Variants in BMPR1B observed in about 807,000 individuals in gnomAD.
BMPR1B encodes the protein bone morphogenetic protein receptor type-1B.
A neutral mutation model predicts 59.1 loss-of-function variants in BMPR1B; 12 were observed. The ratio of observed to expected loss-of-function variants is 0.20; its 90% CI spans 0.13 to 0.33. BMPR1B has a LOEUF of 0.33. Among genes scored for constraint, BMPR1B ranks in the 10% least tolerant of loss-of-function variants. The pLI, the probability that BMPR1B is intolerant of heterozygous loss-of-function variation, is 1.00. For synonymous variants in BMPR1B, 237 were observed against 207.3 expected (o/e 1.14, Z -1.23); for missense variants, 550 against 610.9 (o/e 0.90, Z 1.05).
chr4:95,149,286 G>A (rs1734863370), intron 11 of BMPR1B, among the ~76,000 whole-genome samples: 2 of 152,000 alleles, frequency 1.3e-5, no homozygotes, highest in South Asian at 4.2e-4. Flanking sequence ...TAGCTGCTGG[G>A]CCCCATCCCC....
intron 3 of BMPR1B, among the ~76,000 whole-genome samples, chr4:95,006,151 A>G (rs763658312): frequency 4.6e-5 from 7 of 151,998 alleles, no homozygotes; most frequent in Non-Finnish European, 1.0e-4. Flanking sequence ...GGCGCCTGTA[A>G]TCCCAGCTAC....
At chr4:94,864,827 A>G (rs72669094) in intron 1 of BMPR1B, among the ~76,000 whole-genome samples, 22 of 152,102 alleles carry the variant, frequency 1.4e-4, no homozygotes, top group Non-Finnish European at 3.1e-4. Context: ...TTTAAAAAAA[A>G]TTTTCAATCT....
intron 2 of BMPR1B, among the ~76,000 whole-genome samples, chr4:94,926,026 T>C: frequency 7.9e-6 from 1 of 126,042 alleles, no homozygotes; most frequent in Non-Finnish European, 1.7e-5. Flanking sequence ...TTCCCTTTTG[T>C]CCTTTCCTTC....
intron 1 of BMPR1B, among the ~76,000 whole-genome samples, chr4:94,795,513 G>A (rs1008493016): frequency 4.6e-5 from 7 of 151,906 alleles, no homozygotes; most frequent in African/African-American, 1.7e-4. Context: ...TGCTCAGGTT[G>A]GAGTGCAGTG....
chr4:95,065,904 T>A, intron 3 of BMPR1B, among the ~76,000 whole-genome samples: 1 of 152,202 alleles, frequency 6.6e-6, no homozygotes. Flanking sequence ...ATTATTTAAC[T>A]GATGAGAAAA....
At chr4:94,865,836 A>T (rs975338877) in intron 1 of BMPR1B, among the ~76,000 whole-genome samples, 1 of 152,188 alleles carries the variant, frequency 6.6e-6, no homozygotes, top group Non-Finnish European at 1.5e-5. Flanking sequence ...CTCATTGAAA[A>T]ACATTTTTTT....
At chr4:94,921,142 C>T (rs181196683) in intron 2 of BMPR1B, among the ~76,000 whole-genome samples, 33 of 152,194 alleles carry the variant, frequency 2.2e-4, no homozygotes, top group African/African-American at 7.5e-4. Context: ...CTCAGCCTCA[C>T]GGAATCTGCT....
intron 3 of BMPR1B, among the ~76,000 whole-genome samples, chr4:95,038,813 C>T (rs910839040): frequency 5.3e-5 from 8 of 152,036 alleles, no homozygotes; most frequent in African/African-American, 1.7e-4. Flanking sequence ...TTTTGGGAGA[C>T]CTCAGAGAGG....
At chr4:94,802,874 C>G (rs1007818187) in intron 1 of BMPR1B, among the ~76,000 whole-genome samples, 6 of 152,100 alleles carry the variant, frequency 3.9e-5, no homozygotes, top group Admixed American at 6.5e-5. Context: ...GCTCATCTCT[C>G]AGTTATCTCA....
At chr4:95,095,081 A>G (rs1490422761) in intron 3 of BMPR1B, among the ~76,000 whole-genome samples, 2 of 151,930 alleles carry the variant, frequency 1.3e-5, no homozygotes, top group African/African-American at 4.8e-5. Flanking sequence ...CAAAGAGCAT[A>G]GAAAATGATT....
At chr4:94,807,062 A>C (rs545566139) in intron 1 of BMPR1B, among the ~76,000 whole-genome samples, 5 of 152,142 alleles carry the variant, frequency 3.3e-5, no homozygotes, top group Non-Finnish European at 7.3e-5. Flanking sequence ...TGATATAAAA[A>C]ATTGGTATAA....
chr4:94,818,391 T>G (rs1456265903), intron 1 of BMPR1B, among the ~76,000 whole-genome samples: 1 of 152,190 alleles, frequency 6.6e-6, no homozygotes, highest in Non-Finnish European at 1.5e-5. Flanking sequence ...AGAAGGAAGC[T>G]GAGGTACAAA....
chr4:95,030,432 T>C (rs193180182), intron 3 of BMPR1B, among the ~76,000 whole-genome samples: 165 of 152,288 alleles, frequency 1.1e-3, no homozygotes, highest in African/African-American at 3.8e-3. Flanking sequence ...GTTGTAGATA[T>C]GTGGTGTTAT....
chr4:94,913,826 A>G (rs960576941), intron 2 of BMPR1B, among the ~76,000 whole-genome samples: 5 of 152,182 alleles, frequency 3.3e-5, no homozygotes, highest in African/African-American at 1.2e-4. Flanking sequence ...GTTCATCATC[A>G]TAGCCACTAG....
intron 3 of BMPR1B, among the ~76,000 whole-genome samples, chr4:95,045,470 C>T (rs572863522): frequency 6.6e-6 from 1 of 152,294 alleles, no homozygotes; most frequent in East Asian, 1.9e-4. Context: ...CCTAATTCCC[C>T]TGCTCTCTAG....
chr4:94,933,371 T>C (rs1295449), intron 2 of BMPR1B, among the ~76,000 whole-genome samples: 16,510 of 152,156 alleles, frequency 0.11, 1,250 homozygotes, highest in Middle Eastern at 0.34. Flanking sequence ...CATTATCTTT[T>C]GACCTCCTTA....
intron 1 of BMPR1B, among the ~76,000 whole-genome samples, chr4:94,787,834 C>T (rs1722818588): frequency 6.6e-6 from 1 of 151,978 alleles, no homozygotes; most frequent in Non-Finnish European, 1.5e-5. Flanking sequence ...TTTCCTTTGA[C>T]CAAGGGACCT....
chr4:94,974,674 G>A (rs763458299), intron 2 of BMPR1B, among the ~76,000 whole-genome samples: 15 of 151,394 alleles, frequency 9.9e-5, no homozygotes, highest in African/African-American at 1.5e-4. Context: ...CTTTTTTTTC[G>A]CTAATTAGGT....
At chr4:95,144,004 T>TC (rs1021210548) in intron 10 of BMPR1B, among the ~76,000 whole-genome samples, 42 of 150,432 alleles carry the variant, frequency 2.8e-4, no homozygotes, top group Non-Finnish European at 4.9e-4. Flanking sequence ...TCTCCCAATT[T>TC]TTTTTTTTTT....
Sources: gnomAD v4.1 joint callset for allele counts (sites outside exome capture counted in the v4.1 genomes callset) on GRCh38, gnomAD v4.1.1 for gene constraint, MANE v1.5 for transcripts, NCBI Gene and HGNC (gene_info 2026-07-23, HGNC 2026-07-21) for gene names.